Variants in LRMDA observed in about 807,000 individuals in gnomAD.
LRMDA encodes the protein leucine rich melanocyte differentiation associated, also known as leucine-rich melanocyte differentiation-associated protein.
In LRMDA, 18 loss-of-function variants were observed where a neutral mutation model predicts 29.8. The ratio of observed to expected loss-of-function variants is 0.60; its 90% CI spans 0.42 to 0.90. The LOEUF is 0.90. Among genes scored for constraint, LRMDA ranks in the 40% least tolerant of loss-of-function variants. The pLI is 0.00. For missense variants in LRMDA, 273 were observed against 273.9 expected (o/e 1.00, Z 0.02); for synonymous variants, 125 against 109.4 (o/e 1.14, Z -0.89).
At chr10:76,510,847 A>G (rs1843003223) in intron 6 of LRMDA, among the ~76,000 whole-genome samples, 1 of 152,166 alleles carries the variant, frequency 6.6e-6, no homozygotes, top group Non-Finnish European at 1.5e-5. Flanking sequence ...CGCCTTTCAC[A>G]GCTCATATGC....
chr10:76,256,810 C>T (rs1852602814), intron 5 of LRMDA, among the ~76,000 whole-genome samples: 2 of 152,152 alleles, frequency 1.3e-5, no homozygotes, highest in South Asian at 4.1e-4. Flanking sequence ...TCCTAGCTCT[C>T]CAGGAAGCCT....
At position 76,401,514 on chromosome 10, in the gene LRMDA, G is replaced by T. The variant is rs543047360; in HGVS notation, c.601+77029G>T. Among the ~76,000 whole-genome samples, 10 of 152,250 alleles carry T rather than the reference G, an allele frequency of 6.6e-5. No individual in the cohort carries two copies. The East Asian group carries it at 1.7e-3, about 26-fold the overall frequency. On this transcript the variant is annotated intron_variant, in intron 6 of 6. Coordinates refer to ENST00000611255, the MANE Select transcript of LRMDA (RefSeq NM_001305581.2). The stretch of plus-strand genomic sequence containing the variant: ...GAGTGAAGTCCCAGAAGGTAGTGGG[G>T]TATATGCTAGGGGCTCAGAGAATTT...
intron 6 of LRMDA, among the ~76,000 whole-genome samples, chr10:76,512,915 T>C (rs1425668218): frequency 6.6e-6 from 1 of 152,162 alleles, no homozygotes; most frequent in African/African-American, 2.4e-5. Context: ...TTCAATTTAT[T>C]ACTCATTGGG....
intron 2 of LRMDA, among the ~76,000 whole-genome samples, chr10:75,748,185 C>T (rs994300886): frequency 6.6e-6 from 1 of 152,098 alleles, no homozygotes; most frequent in Non-Finnish European, 1.5e-5. Flanking sequence ...CCTCTGCCTC[C>T]CAGGTTCAAG....
chr10:75,688,666 T>C (rs1207245159), intron 2 of LRMDA, among the ~76,000 whole-genome samples: 1 of 151,994 alleles, frequency 6.6e-6, no homozygotes, highest in East Asian at 1.9e-4. Flanking sequence ...CTGAAGGAGG[T>C]TCTACTGTGG....
intron 2 of LRMDA, among the ~76,000 whole-genome samples, chr10:75,951,214 T>G (rs1846568206): frequency 6.6e-6 from 1 of 152,174 alleles, no homozygotes; most frequent in African/African-American, 2.4e-5. Context: ...AAGTAAATAT[T>G]TTAAAAGTAC....
chr10:75,567,404 C>T (rs1840387347), intron 2 of LRMDA, among the ~76,000 whole-genome samples: 1 of 152,226 alleles, frequency 6.6e-6, no homozygotes, highest in Non-Finnish European at 1.5e-5. Flanking sequence ...GAGTGAGATT[C>T]TAATACCAAT....
At chr10:76,299,089 G>A (rs1482629257) in intron 5 of LRMDA, among the ~76,000 whole-genome samples, 1 of 152,058 alleles carries the variant, frequency 6.6e-6, no homozygotes, top group Non-Finnish European at 1.5e-5. Context: ...AAGGCAATGA[G>A]ACAGAACATA....
chr10:76,145,227 C>T (rs1052907428), intron 5 of LRMDA, among the ~76,000 whole-genome samples: 1 of 152,170 alleles, frequency 6.6e-6, no homozygotes, highest in Non-Finnish European at 1.5e-5. Context: ...GGAGGATTCC[C>T]TCTTTTTCTA....
At chr10:75,530,034 G>A (rs1845458926) in intron 2 of LRMDA, among the ~76,000 whole-genome samples, 2 of 151,892 alleles carry the variant, frequency 1.3e-5, no homozygotes, top group Admixed American at 1.3e-4. Context: ...ATTTATTTTT[G>A]TAACCATAGA....
intron 5 of LRMDA, among the ~76,000 whole-genome samples, chr10:76,215,156 A>C (rs1167049974): frequency 2.0e-5 from 3 of 152,220 alleles, no homozygotes. Flanking sequence ...CCTGGGCCTC[A>C]GCTGTTTCTC....
chr10:76,272,484 G>A (rs959437049), intron 5 of LRMDA, among the ~76,000 whole-genome samples: 1 of 152,122 alleles, frequency 6.6e-6, no homozygotes, highest in African/African-American at 2.4e-5. Flanking sequence ...CATCACAAAG[G>A]TTTGGAAAAT....
intron 2 of LRMDA, among the ~76,000 whole-genome samples, chr10:75,471,082 G>A (rs912391249): frequency 4.6e-5 from 7 of 152,196 alleles, no homozygotes; most frequent in Non-Finnish European, 1.0e-4. Flanking sequence ...GAGAGGAGAA[G>A]GAATGATTAC....
intron 5 of LRMDA, among the ~76,000 whole-genome samples, chr10:76,059,017 G>A (rs1039480662): frequency 6.6e-6 from 1 of 152,160 alleles, no homozygotes; most frequent in Non-Finnish European, 1.5e-5. Context: ...AAGTTCTGTG[G>A]GGGACTGCAG....
intron 6 of LRMDA, among the ~76,000 whole-genome samples, chr10:76,547,769 G>A (rs1362936109): frequency 6.6e-6 from 1 of 152,108 alleles, no homozygotes; most frequent in Non-Finnish European, 1.5e-5. Flanking sequence ...CAGCCTGGTT[G>A]ATGTGACATC....
chr10:75,898,970 C>T (rs1845628198), intron 2 of LRMDA, among the ~76,000 whole-genome samples: 1 of 152,168 alleles, frequency 6.6e-6, no homozygotes. Flanking sequence ...GTAAAACCAT[C>T]CATGTGTGTA....
At chr10:76,127,891 G>T (rs1849913541) in intron 5 of LRMDA, among the ~76,000 whole-genome samples, 1 of 152,092 alleles carries the variant, frequency 6.6e-6, no homozygotes, top group Admixed American at 6.5e-5. Flanking sequence ...GGAAAGAGCA[G>T]CAAATTAATT....
rs16932772 is a variant in LRMDA at position 75,992,242 on chromosome 10, T to C, written c.132-43766T>C. 5.9e-3 allele frequency among the ~76,000 whole-genome samples: 893 copies of C among 152,222 alleles called. 41 individuals are homozygous for C. In the East Asian group the frequency reaches 0.13, roughly 22 times the overall value. ...TGTTTTTAATCACTGGACATCTCCTTTGTGCTTGTGAATGGTGCCATCCCT... is the reference window on the plus strand; with the variant it reads ...TGTTTTTAATCACTGGACATCTCCTCTGTGCTTGTGAATGGTGCCATCCCT... On this transcript the variant is annotated intron_variant, in intron 2 of 6. Coordinates refer to ENST00000611255, the MANE Select transcript of LRMDA (RefSeq NM_001305581.2).
At chr10:76,041,702 A>T (rs1193218151) in intron 3 of LRMDA, among the ~76,000 whole-genome samples, 6 of 152,150 alleles carry the variant, frequency 3.9e-5, no homozygotes, top group African/African-American at 1.4e-4. Context: ...TCAAGGCAAG[A>T]TGCTGCTTTG....
Sources: gnomAD v4.1 joint callset for allele counts (sites outside exome capture counted in the v4.1 genomes callset) on GRCh38, gnomAD v4.1.1 for gene constraint, MANE v1.5 for transcripts, NCBI Gene and HGNC (gene_info 2026-07-23, HGNC 2026-07-21) for gene names.